Variants in ADCY5 observed in about 807,000 individuals in gnomAD.
The protein encoded by ADCY5 is adenylate cyclase type 5.
ADCY5 carries 30 observed loss-of-function variants against 119.7 expected under a neutral mutation model. The observed-to-expected ratio is 0.25, with a 90% CI of 0.19 to 0.34. ADCY5 has a LOEUF of 0.34. Among genes scored for constraint, ADCY5 ranks in the 10% least tolerant of loss-of-function variants. The probability of loss-of-function intolerance (pLI) is 1.00; values close to 1 mark genes in which losing one functional copy is unlikely to be tolerated. For missense variants in ADCY5, 1,324 were observed against 1,775.2 expected (o/e 0.75, Z 4.57); for synonymous variants, 753 against 762.2 (o/e 0.99, Z 0.20).
At chr3:123,328,972 C>T (rs922614883) in intron 5 of ADCY5, among the ~76,000 whole-genome samples, 170 bp from the exon 6 acceptor site, 1 of 152,172 alleles carries the variant, frequency 6.6e-6, no homozygotes, top group Non-Finnish European at 1.5e-5. Flanking sequence ...CTGGGGCGGG[C>T]GGCAGGTGCA....
intron 1 of ADCY5, among the ~76,000 whole-genome samples, chr3:123,371,560 C>T (rs1050125403): frequency 5.9e-5 from 9 of 152,186 alleles, no homozygotes; most frequent in South Asian, 2.1e-4. Flanking sequence ...AAGTGGCACG[C>T]GGCCGGACCC....
At position 123,310,103 on chromosome 3, in the gene ADCY5, T is replaced by TACACACACACACACACACAC. The variant is rs60966110; in HGVS notation, c.2442+4112_2442+4131dup. Among the ~76,000 whole-genome samples, 325 of 121,186 alleles carry TACACACACACACACACACAC rather than the reference T, an allele frequency of 2.7e-3. 11 individuals are homozygous for TACACACACACACACACACAC. In the East Asian group the frequency reaches 0.027, roughly 10 times the overall value. 79.5% of individuals were successfully genotyped at this position (121,186 alleles called of 152,430 possible). Reference sequence around the variant, plus strand: ...GGCTGGGGGATAAGAGAGAGAGATTTACACACACACACACACACACACACA... The same window carrying TACACACACACACACACACAC: ...GGCTGGGGGATAAGAGAGAGAGATTTACACACACACACACACACACACACACACACACACACACACACACA... On this transcript the variant is annotated intron_variant, in intron 12 of 20. Transcript: ENST00000462833.
At chr3:123,388,067 G>C (rs1330428064) in intron 1 of ADCY5, among the ~76,000 whole-genome samples, 2 of 152,234 alleles carry the variant, frequency 1.3e-5, no homozygotes, top group Admixed American at 1.3e-4. Context: ...AGCTGTTCAG[G>C]GGTGTAGGGA....
chr3:123,389,892 C>A (rs1404416053), intron 1 of ADCY5, among the ~76,000 whole-genome samples: 2 of 142,762 alleles, frequency 1.4e-5, no homozygotes, highest in African/African-American at 5.4e-5. Context: ...GTGCAGTGCT[C>A]GCTGGGGAGC....
rs11382207 is a variant in ADCY5 at position 123,441,980 on chromosome 3, G to GAAA, written c.1134+5429_1134+5431dup. On this transcript the variant is annotated intron_variant, in intron 1 of 20. Transcript: ENST00000462833. ...ACATTTGGATATTGCCTTAAGGAAG[G>GAAA]AAAAAAAAAAAAAAAAGCAGGGCTT... is the stretch of plus-strand genomic sequence containing the variant. 3.2e-4 allele frequency among the ~76,000 whole-genome samples: 45 copies of GAAA among 139,172 alleles called. 1 individual carries two copies. The South Asian group carries it at 5.4e-3, about 17-fold the overall frequency. 91.3% of individuals were successfully genotyped at this position (139,172 alleles called of 152,430 possible).
At chr3:123,322,729 C>A (rs1941288145) in intron 8 of ADCY5, among the ~76,000 whole-genome samples, 1 of 152,190 alleles carries the variant, frequency 6.6e-6, no homozygotes, top group Admixed American at 6.5e-5. Flanking sequence ...CCACTGGCAA[C>A]CTTTTTATTA....
chr3:123,286,360 G>A lies in ADCY5; in HGVS notation c.3657+325C>T, dbSNP rs187596867. Among the ~76,000 whole-genome samples, 9 of 152,272 alleles carry A rather than the reference G, an allele frequency of 5.9e-5. No individual in the cohort carries two copies. The highest frequency in any genetic ancestry group is 5.2e-4 in the Admixed American group (8 of 15,306). ...GCAGACATCTTTGCATCCTCTCTGT[G>A]TGCCTGGGCTAGGAGGCACTGGGGC... On this transcript the variant is annotated intron_variant, in intron 20 of 20. Coordinates refer to ENST00000462833, the MANE Select transcript of ADCY5 (RefSeq NM_183357.3). This position sits in a 1 kb window ranked among gnomAD's most constrained non-coding sequence, Gnocchi z 4.2.
At chr3:123,293,103 G>A (rs943149423) in intron 17 of ADCY5, among the ~76,000 whole-genome samples, 2 of 152,242 alleles carry the variant, frequency 1.3e-5, no homozygotes, top group African/African-American at 2.4e-5. Flanking sequence ...GCCCTGGCAG[G>A]GCAGGAAGGT....
chr3:123,441,084 C>A (rs1945714027), intron 1 of ADCY5, among the ~76,000 whole-genome samples: 1 of 152,176 alleles, frequency 6.6e-6, no homozygotes, highest in Non-Finnish European at 1.5e-5. Flanking sequence ...AAGACACTGA[C>A]CCACAGAATT....
intron 3 of ADCY5, among the ~76,000 whole-genome samples, chr3:123,341,549 T>C (rs888725667): frequency 1.3e-4 from 20 of 152,022 alleles, no homozygotes; most frequent in African/African-American, 4.6e-4. Context: ...GTTCCAGAGA[T>C]GGACGGTGGT....
In ADCY5 at chr3:123,410,818, T is replaced by C. The variant is rs367945710; in HGVS notation, c.1134+36594A>G. On this transcript the variant is annotated intron_variant, in intron 1 of 20. Transcript: ENST00000462833. Reference sequence around the variant, plus strand: ...ATGTATCACCTTGCTGGGCTAACTTTTTCATTTTTTGTAGAGATGCAGTCT... The same window carrying C: ...ATGTATCACCTTGCTGGGCTAACTTCTTCATTTTTTGTAGAGATGCAGTCT... Among the ~76,000 whole-genome samples, 32 of 152,256 alleles carry C rather than the reference T, an allele frequency of 2.1e-4. No homozygotes were observed. In the East Asian group the frequency reaches 4.2e-3, roughly 20 times the overall value.
chr3:123,388,077 A>C (rs4678022), intron 1 of ADCY5, among the ~76,000 whole-genome samples: 72,690 of 151,992 alleles, frequency 0.48, 18,206 homozygotes, highest in East Asian at 0.7. Context: ...GGGTGTAGGG[A>C]AGATGGGGGG....
chr3:123,365,542 G>A (rs1943406085), intron 1 of ADCY5, among the ~76,000 whole-genome samples: 1 of 152,226 alleles, frequency 6.6e-6, no homozygotes, highest in African/African-American at 2.4e-5. Context: ...GAGCCTGGGT[G>A]ATGTATCTAT....
chr3:123,373,760 C>CCA (rs1943720961), intron 1 of ADCY5, among the ~76,000 whole-genome samples: 1 of 20,112 alleles, frequency 5.0e-5, no homozygotes, highest in Non-Finnish European at 1.2e-4. Flanking sequence ...AGCATCACGC[C>CCA]CCCCCCCCCC....
chr3:123,341,908 C>T (rs1240243060), intron 3 of ADCY5, among the ~76,000 whole-genome samples: 2 of 151,858 alleles, frequency 1.3e-5, no homozygotes, highest in South Asian at 2.1e-4. Flanking sequence ...ATAACTGGTA[C>T]GGGAGTAGAG....
intron 1 of ADCY5, among the ~76,000 whole-genome samples, chr3:123,391,043 C>G (rs934257322): frequency 6.6e-6 from 1 of 152,262 alleles, no homozygotes; most frequent in African/African-American, 2.4e-5. Flanking sequence ...CAGCACACTT[C>G]CCATCTGCCC....
At chr3:123,361,440 A>T (rs1321309540) in intron 1 of ADCY5, among the ~76,000 whole-genome samples, 2 of 152,310 alleles carry the variant, frequency 1.3e-5, no homozygotes, top group East Asian at 3.9e-4. Flanking sequence ...CATTTTCAAC[A>T]TCCCCAAAAG....
chr3:123,325,997 T>C (rs933716950), intron 7 of ADCY5, among the ~76,000 whole-genome samples: 25 of 152,290 alleles, frequency 1.6e-4, no homozygotes, highest in South Asian at 1.2e-3. Flanking sequence ...ACATCAGGCT[T>C]TGCTCATGGG....
chr3:123,300,777 A>T (rs766145855), intron 14 of ADCY5, among the ~76,000 whole-genome samples: 1 of 151,638 alleles, frequency 6.6e-6, no homozygotes, highest in Non-Finnish European at 1.5e-5. Context: ...TGTTTTCATG[A>T]CTCCTGTAGG....
Sources: gnomAD v4.1 joint callset for allele counts (sites outside exome capture counted in the v4.1 genomes callset) on GRCh38, gnomAD v4.1.1 for gene constraint, Gnocchi (gnomAD v3.1) non-coding constraint, MANE v1.5 for transcripts, NCBI Gene and HGNC (gene_info 2026-07-23, HGNC 2026-07-21) for gene names.